Variants in NOTCH2NLC observed in about 807,000 individuals in gnomAD.
The protein encoded by NOTCH2NLC is notch homolog 2 N-terminal-like protein C.
Under a neutral mutation model 17.7 loss-of-function variants are expected in NOTCH2NLC, and 4 were observed. The ratio of observed to expected loss-of-function variants is 0.23; its 90% CI spans 0.11 to 0.52. The LOEUF (loss-of-function observed/expected upper bound fraction) is 0.52, where lower values mean the gene tolerates loss of function less well. NOTCH2NLC is among the 20% of genes least tolerant of loss of function. NOTCH2NLC has a pLI of 0.96. For missense variants in NOTCH2NLC, 57 were observed against 207.2 expected, an observed-to-expected ratio of 0.28 and a Z score of 4.45; for synonymous variants, 18 against 86.0, an observed-to-expected ratio of 0.21 and a Z score of 4.38.
rs1326228253 is a variant in NOTCH2NLC, at chr1:149,445,182, GGAGGGA to G, written c.210-10133_210-10128del. Among the ~76,000 whole-genome samples, 463 of 146,930 alleles carry G rather than the reference GGAGGGA, an allele frequency of 3.2e-3. 9 individuals carry two copies. The highest frequency in any genetic ancestry group is 0.011 in the African/African-American group (444 of 40,022). ...AGACCTCAGCCAGGAGGTACTGAAAGGAGGGAGACCAGTGAGTCTAGACCAATAGGT... is the reference window on the plus strand; with the variant it reads ...AGACCTCAGCCAGGAGGTACTGAAAGGACCAGTGAGTCTAGACCAATAGGT... On this transcript the variant is annotated intron_variant, in intron 2 of 4. Transcript: ENST00000650865.
chr1:149,466,277 G>GATATATA lies in NOTCH2NLC; in HGVS notation c.*2124_*2125insATATATA, dbSNP rs2084683314. The GATATATA allele has an allele frequency of 7.7e-5, 11 of 142,544 alleles. No homozygotes were observed. Among genetic ancestry groups the GATATATA allele is most frequent in the African/African-American group, 2.9e-4 (11 of 37,916 alleles). 8.8% of individuals were successfully genotyped at this position (142,544 alleles called of 1,614,324 possible). ...GTGTGTGTGTGTGTGTGTGTGTGTG[G>GATATATA]TATATATATATATATCGCATTGTGC... is the stretch of plus-strand genomic sequence containing the variant. On this transcript the variant is annotated 3_prime_UTR_variant, in exon 5 of 5. Transcript: ENST00000650865.
At chr1:149,457,672 G>A (rs1472817041) in intron 3 of NOTCH2NLC, among the ~76,000 whole-genome samples, 8 of 148,886 alleles carry the variant, frequency 5.4e-5, no homozygotes, top group Non-Finnish European at 9.0e-5. Flanking sequence ...CTTGGGGTTC[G>A]ATATTTGAGG....
chr1:149,395,992 C>A (rs2084205228), intron 1 of NOTCH2NLC, among the ~76,000 whole-genome samples: 1 of 151,070 alleles, frequency 6.6e-6, no homozygotes, highest in Non-Finnish European at 1.5e-5. Flanking sequence ...TACTACAGAA[C>A]TTGTCTGGCA....
At chr1:149,418,604 G>A (rs1394481105) in intron 1 of NOTCH2NLC, among the ~76,000 whole-genome samples, 3 of 131,084 alleles carry the variant, frequency 2.3e-5, no homozygotes, top group Admixed American at 8.0e-5. Context: ...CCAGGTCATT[G>A]TTACCATTAA....
intron 1 of NOTCH2NLC, among the ~76,000 whole-genome samples, chr1:149,392,865 A>T (rs1233354593): frequency 6.6e-6 from 1 of 150,518 alleles, no homozygotes. Flanking sequence ...AGGTCAGGAG[A>T]TCGAGACCAT....
intron 3 of NOTCH2NLC, among the ~76,000 whole-genome samples, chr1:149,461,987 T>G: frequency 2.5e-5 from 3 of 120,640 alleles, no homozygotes; most frequent in African/African-American, 3.2e-5. Flanking sequence ...TGTCGTGGGG[T>G]GGTGGGACGG....
intron 1 of NOTCH2NLC, among the ~76,000 whole-genome samples, chr1:149,401,956 A>C (rs1281781433): frequency 7.6e-6 from 1 of 131,706 alleles, no homozygotes; most frequent in African/African-American, 2.8e-5. Flanking sequence ...TTCTTACACA[A>C]TGATCTCCTT....
Position 149,390,827 on chromosome 1 carries a change from G to GGCGGCGGCGGCGGCA in NOTCH2NLC, c.44_45insCGGCGGCGGCAGCGG (p.Gly18_Asp19insSerGlyGlyGlyGly). ...AGGCGGCGGCGGCGGCGGCGGCGGC[G>GGCGGCGGCGGCGGCA]GCGGAGGAGGCGGCGACCGAGAAGA... On this transcript the variant is annotated inframe_insertion, in exon 1 of 5. Transcript: ENST00000650865. 1 of 1,334,726 alleles carries GGCGGCGGCGGCGGCA rather than the reference G, an allele frequency of 7.5e-7. No individual in the cohort carries two copies. Among genetic ancestry groups the GGCGGCGGCGGCGGCA allele is most frequent in the Non-Finnish European group, 9.6e-7 (1 of 1,044,810 alleles). 82.7% of individuals were successfully genotyped at this position (1,334,726 alleles called of 1,614,324 possible).
rs1297835692 is a variant in NOTCH2NLC, at chr1:149,471,584, TAGAG to T, written c.*7433_*7436del. ...TGCCCAGAACAAGTACATCTATATA[TAGAG>T]AAAGTAGATTAGTGGTTGTCAGAGA... is the stretch of plus-strand genomic sequence containing the variant. On this transcript the variant is annotated 3_prime_UTR_variant, in exon 5 of 5. Transcript: ENST00000650865. Among the ~76,000 whole-genome samples the T allele has an allele frequency of 1.3e-5, 2 of 149,850 alleles. 1 individual carries two copies. The highest frequency in any genetic ancestry group is 3.0e-5 in the Non-Finnish European group (2 of 67,240).
chr1:149,408,586 A>G (rs1201239181), intron 1 of NOTCH2NLC, among the ~76,000 whole-genome samples: 1 of 151,318 alleles, frequency 6.6e-6, no homozygotes, highest in African/African-American at 2.4e-5. Context: ...GCCTGTGGGA[A>G]CTGTGACTGA....
intron 3 of NOTCH2NLC, among the ~76,000 whole-genome samples, chr1:149,461,116 G>C (rs2084647649): frequency 6.7e-6 from 1 of 150,208 alleles, no homozygotes; most frequent in Non-Finnish European, 1.5e-5. Context: ...TGTAGTTTTA[G>C]AAAAGATGGC....
intron 1 of NOTCH2NLC, among the ~76,000 whole-genome samples, chr1:149,420,152 G>A (rs1261650486): frequency 1.3e-5 from 2 of 150,448 alleles, no homozygotes; most frequent in Non-Finnish European, 3.0e-5. Flanking sequence ...TTAAAGACAT[G>A]AGCCACCGTG....
intron 2 of NOTCH2NLC, among the ~76,000 whole-genome samples, chr1:149,438,908 G>A (rs1246560000): frequency 1.4e-5 from 2 of 146,088 alleles, no homozygotes; most frequent in African/African-American, 5.0e-5. Context: ...ATAGAGATAC[G>A]GTCTCACATG....
At chr1:149,449,971 C>G (rs1324162737) in intron 2 of NOTCH2NLC, among the ~76,000 whole-genome samples, 14 of 147,044 alleles carry the variant, frequency 9.5e-5, no homozygotes, top group Non-Finnish European at 7.6e-5. Flanking sequence ...GAATGTCATT[C>G]CTTTTCATGG....
chr1:149,460,817 G>A (rs1434689950), intron 3 of NOTCH2NLC, among the ~76,000 whole-genome samples: 4 of 148,944 alleles, frequency 2.7e-5, no homozygotes, highest in Non-Finnish European at 6.0e-5. Context: ...AATGTATATG[G>A]AAACCAAATT....
intron 1 of NOTCH2NLC, among the ~76,000 whole-genome samples, chr1:149,423,603 C>T (rs1398243203): frequency 6.8e-6 from 1 of 147,722 alleles, no homozygotes; most frequent in Non-Finnish European, 1.5e-5. Flanking sequence ...CAGCCAACCA[C>T]AGCCAAGATC....
intron 3 of NOTCH2NLC, among the ~76,000 whole-genome samples, chr1:149,461,514 T>C (rs2084649874): frequency 6.6e-6 from 1 of 150,814 alleles, no homozygotes; most frequent in East Asian, 2.0e-4. Flanking sequence ...TTTTCCCTTA[T>C]AGAAAAACTC....
At chr1:149,395,741 T>C (rs2084202316) in intron 1 of NOTCH2NLC, among the ~76,000 whole-genome samples, 1 of 146,520 alleles carries the variant, frequency 6.8e-6, no homozygotes, top group Non-Finnish European at 1.5e-5. Context: ...TTTTTTGAGA[T>C]TTTTTTCATT....
At chr1:149,445,688 G>T (rs1241077213) in intron 2 of NOTCH2NLC, among the ~76,000 whole-genome samples, 2 of 151,038 alleles carry the variant, frequency 1.3e-5, no homozygotes, top group African/African-American at 2.4e-5. Context: ...CCCAGAGGGA[G>T]TAAAGAGGAA....
Sources: gnomAD v4.1 joint callset for allele counts (sites outside exome capture counted in the v4.1 genomes callset) on GRCh38, gnomAD v4.1.1 for gene constraint, MANE v1.5 for transcripts, NCBI Gene and HGNC (gene_info 2026-07-23, HGNC 2026-07-21) for gene names.